The following NBR1 variants were observed in gnomAD, a reference collection of about 807,000 sequenced individuals.
NBR1 encodes next to BRCA1 gene 1 protein.
Under a neutral mutation model 115.5 loss-of-function variants are expected in NBR1, and 59 were observed. The observed-to-expected ratio is 0.51, with a 90% CI of 0.41 to 0.63. The LOEUF (loss-of-function observed/expected upper bound fraction) is 0.63, where lower values mean the gene tolerates loss of function less well. NBR1 is among the 30% of genes least tolerant of loss of function. NBR1 has a pLI of 0.00. For synonymous variants in NBR1, 373 were observed against 414.7 expected, an observed-to-expected ratio of 0.90 and a Z score of 1.22; for missense variants, 1,043 against 1,150.5, an observed-to-expected ratio of 0.91 and a Z score of 1.35.
Position 43,211,062 on chromosome 17 carries a change from C to A in NBR1, c.*988C>A. ...GATGACTTCTTTAATGCTTGAAGTC[C>A]GTTCACAGGTATCTAGCCCTAGAAT... On this transcript the variant is annotated 3_prime_UTR_variant, in exon 21 of 21. Coordinates refer to ENST00000590996, the MANE Select transcript of NBR1 (RefSeq NM_005899.5). 4.8e-6 allele frequency: 1 copy of A among 207,288 alleles called. No homozygotes were observed. The highest frequency in any genetic ancestry group is 9.6e-6 in the Non-Finnish European group (1 of 104,630). The allele number at this position is 207,288 out of a possible 1,614,324, so 12.8% of individuals were successfully genotyped here.
At chr17:43,202,751 G>C in intron 19 of NBR1, 39 bp downstream of exon 19, 1 of 1,489,590 alleles carries the variant, frequency 6.7e-7, no homozygotes, top group Non-Finnish European at 9.2e-7. Context: ...AGAAGCAGGT[G>C]GATATTCTTG....
chr17:43,176,003 A>G (rs1374552230), intron 2 of NBR1, 102 bp downstream of exon 2: 13 of 657,876 alleles, frequency 2.0e-5, no homozygotes, highest in Non-Finnish European at 3.1e-5. Flanking sequence ...GAAGTCTGTC[A>G]TAGTTACCAT....
intron 20 of NBR1, among the ~76,000 whole-genome samples, chr17:43,208,849 C>T (rs1428195266): frequency 6.6e-6 from 1 of 152,032 alleles, no homozygotes; most frequent in Non-Finnish European, 1.5e-5. Context: ...GACCAGTGGT[C>T]CCAGCTATTT....
At chr17:43,172,802 A>T (rs2056408392) in intron 1 of NBR1, among the ~76,000 whole-genome samples, 1 of 152,140 alleles carries the variant, frequency 6.6e-6, no homozygotes, top group African/African-American at 2.4e-5. Flanking sequence ...GTACAGGTTT[A>T]TGGTTCTAAA....
chr17:43,202,592 T>G, intron 18 of NBR1, 63 bp from the exon 19 acceptor site: 4 of 1,188,894 alleles, frequency 3.4e-6, no homozygotes, highest in Non-Finnish European at 4.8e-6. Flanking sequence ...AGCCTTGCTG[T>G]GAGTTAGGAA....
intron 14 of NBR1, 120 bp from the exon 15 acceptor site, chr17:43,196,361 T>G: frequency 6.7e-6 from 4 of 594,904 alleles, no homozygotes; most frequent in Non-Finnish European, 1.1e-5. Flanking sequence ...TCAAAGCATA[T>G]CTTGGTTTAT....
chr17:43,187,502 CTT>C (rs71160025), intron 6 of NBR1, among the ~76,000 whole-genome samples: 759 of 68,840 alleles, frequency 0.011, 5 homozygotes, highest in African/African-American at 0.035. Context: ...TATTTCCTGA[CTT>C]TTTTTTTTTT....
intron 20 of NBR1, 37 bp from the exon 21 acceptor site, chr17:43,209,861 AATT>A: frequency 7.0e-7 from 1 of 1,421,820 alleles, no homozygotes; most frequent in South Asian, 1.4e-5. Flanking sequence ...AATTATACAG[AATT>A]TTTTTTTTTT....
chr17:43,206,954 A>C (rs2057330136), intron 20 of NBR1, among the ~76,000 whole-genome samples: 1 of 152,064 alleles, frequency 6.6e-6, no homozygotes, highest in African/African-American at 2.4e-5. Flanking sequence ...AGTCCCAGCT[A>C]CTTGGGGGGC....
intron 20 of NBR1, among the ~76,000 whole-genome samples, chr17:43,205,713 C>T (rs748294024): frequency 6.6e-5 from 10 of 151,832 alleles, no homozygotes; most frequent in Non-Finnish European, 1.2e-4. Context: ...CCTGTCTCTA[C>T]TAAAAACATA....
Position 43,193,138 on chromosome 17 carries a change from C to T in NBR1, c.1118C>T (p.Ala373Val), listed in dbSNP as rs1346458178. Residue 373 changes from alanine to valine, a missense_variant, in exon 11 of 21, where the codon GCA becomes GTA. Ala to Val is a moderately conservative substitution (Grantham distance 64). Coordinates refer to ENST00000590996, the MANE Select transcript of NBR1 (RefSeq NM_005899.5). ...PCTSVMPMLS[A>V]AFVDENLPDG... Reference sequence around the variant, plus strand: ...ACCTCCGTTATGCCAATGCTCAGTGCAGCATTTGTGGATGAGAATTTGCCT... The same window carrying T: ...ACCTCCGTTATGCCAATGCTCAGTGTAGCATTTGTGGATGAGAATTTGCCT... 6.2e-7 allele frequency: 1 copy of T among 1,613,942 alleles called. No homozygotes were observed. The highest frequency in any genetic ancestry group is 8.5e-7 in the Non-Finnish European group (1 of 1,179,886).
intron 12 of NBR1, 140 bp from the exon 13 acceptor site, chr17:43,194,210 A>G (rs1393935931): frequency 7.5e-6 from 6 of 803,284 alleles, no homozygotes; most frequent in East Asian, 2.8e-5. Context: ...AACTTTTTCT[A>G]TAACTGTAAA....
intron 6 of NBR1, among the ~76,000 whole-genome samples, chr17:43,186,868 C>T (rs557156680): frequency 2.6e-4 from 39 of 152,284 alleles, no homozygotes; most frequent in Admixed American, 1.0e-3. Flanking sequence ...TTTATGGCTG[C>T]GTATTATTCC....
intron 1 of NBR1, among the ~76,000 whole-genome samples, chr17:43,172,201 G>A (rs2154581871): frequency 6.6e-6 from 1 of 152,238 alleles, no homozygotes; most frequent in East Asian, 1.9e-4. Flanking sequence ...CTAAGGGGCA[G>A]ATAGGGTTAA....
chr17:43,194,782 C>T lies in NBR1; in HGVS notation c.1675-182C>T, dbSNP rs1254545579. On this transcript the variant is annotated intron_variant, in intron 13 of 20. Transcript: ENST00000590996. ...TTCATACCTGCTGCATTTTCTCTTT[C>T]CTGCTATTGGGTTATTTCAACATCT... 9 of 627,024 alleles carry T rather than the reference C, an allele frequency of 1.4e-5. No individual in the cohort carries two copies. The East Asian group carries it at 2.0e-4, about 14-fold the overall frequency. 38.8% of individuals were successfully genotyped at this position (627,024 alleles called of 1,614,324 possible).
At position 43,186,282 on chromosome 17, in the gene NBR1, G is replaced by T. The variant is rs1330245243; in HGVS notation, c.240G>T (p.Met80Ile). ...MAVKQGNQLQ[M>I]QVHEGHHVVD... ...TTAAACAGGGAAACCAACTGCAGATGCAAGTCCACGAAGGGCACCATGTCG... is the reference window on the plus strand; with the variant it reads ...TTAAACAGGGAAACCAACTGCAGATTCAAGTCCACGAAGGGCACCATGTCG... Residue 80 changes from methionine to isoleucine, a missense_variant, in exon 6 of 21, where the codon ATG becomes ATT. Met to Ile is a conservative substitution (Grantham distance 10). Transcript: ENST00000590996. The T allele has an allele frequency of 1.3e-6, 2 of 1,583,266 alleles. No individual in the cohort carries two copies. The highest frequency in any genetic ancestry group is 1.3e-5 in the African/African-American group (1 of 74,174).
rs113851447 is a variant in NBR1, at chr17:43,207,873, G to A, written c.2728-2028G>A. On this transcript the variant is annotated intron_variant, in intron 20 of 20. Coordinates refer to ENST00000590996, the MANE Select transcript of NBR1 (RefSeq NM_005899.5). ...CCAACGGTATCCATCCAGATCACAG[G>A]GGAGGGATTTGGCCTGGTGATACAT... Among the ~76,000 whole-genome samples the A allele has an allele frequency of 5.3e-3, 808 of 152,282 alleles. 11 individuals are homozygous for A. The highest frequency in any genetic ancestry group is 0.016 in the African/African-American group (658 of 41,554).
In NBR1 at chr17:43,194,510, C is replaced by T. The variant is rs757099035; in HGVS notation, c.1674+11C>T. On this transcript the variant is annotated intron_variant, in intron 13 of 20. Coordinates refer to ENST00000590996, the MANE Select transcript of NBR1 (RefSeq NM_005899.5). ...CTTCTGACTGCCCAGGTGGAAGATT[C>T]AGCACTTTGAAGGGCAAGGGACAGA... 65 of 1,613,558 alleles carry T rather than the reference C, an allele frequency of 4.0e-5. No individual in the cohort carries two copies. The highest frequency in any genetic ancestry group is 5.3e-5 in the Non-Finnish European group (63 of 1,179,694).
intron 10 of NBR1, among the ~76,000 whole-genome samples, chr17:43,192,609 T>A (rs2056974658): frequency 6.6e-6 from 1 of 152,124 alleles, no homozygotes; most frequent in Non-Finnish European, 1.5e-5. Context: ...GACCTCGTGA[T>A]CTATCTGCCT....
Sources: allele counts gnomAD v4.1 joint callset (sites outside exome capture counted in the v4.1 genomes callset), GRCh38; gene constraint gnomAD v4.1.1; transcripts MANE v1.5; gene names NCBI Gene and HGNC (gene_info 2026-07-23, HGNC 2026-07-21).